The following VNN1 variants were observed in gnomAD, a reference collection of about 807,000 sequenced individuals.
The protein encoded by VNN1 is vanin 1.
VNN1 carries 29 observed loss-of-function variants against 41.9 expected under a neutral mutation model. The ratio of observed to expected loss-of-function variants is 0.69; its 90% CI spans 0.52 to 0.94. The LOEUF (loss-of-function observed/expected upper bound fraction) is 0.94, where lower values mean the gene tolerates loss of function less well. Among genes scored for constraint, VNN1 ranks in the 40% least tolerant of loss-of-function variants. VNN1 has a pLI of 0.00. For synonymous variants in VNN1, 233 were observed against 224.4 expected, an observed-to-expected ratio of 1.04 and a Z score of -0.34; for missense variants, 637 against 621.1, an observed-to-expected ratio of 1.03 and a Z score of -0.27.
At chr6:132,686,921 C>T (rs955566947) in intron 5 of VNN1, among the ~76,000 whole-genome samples, 3 of 151,916 alleles carry the variant, frequency 2.0e-5, no homozygotes, top group Non-Finnish European at 4.4e-5. Context: ...AAATTAAGAA[C>T]ATGTTAACAA....
In VNN1 at chr6:132,710,700, AC is replaced by A. The variant is rs563176403; in HGVS notation, c.341+1008del. Reference sequence around the variant, plus strand: ...ATCCATGTCCCTGCAAAGGACATGAACTTATCCTTTTTTACAGCTGTGTAGT... The same window carrying A: ...ATCCATGTCCCTGCAAAGGACATGAATTATCCTTTTTTACAGCTGTGTAGT... On this transcript the variant is annotated intron_variant, in intron 2 of 6. Transcript: ENST00000367928. Among the ~76,000 whole-genome samples the A allele has an allele frequency of 3.3e-3, 496 of 152,286 alleles. 2 individuals carry two copies. The highest frequency in any genetic ancestry group is 5.7e-3 in the Non-Finnish European group (387 of 68,022).
At chr6:132,712,998 G>A (rs1418407245) in intron 1 of VNN1, among the ~76,000 whole-genome samples, 2 of 152,094 alleles carry the variant, frequency 1.3e-5, no homozygotes, top group Non-Finnish European at 2.9e-5. Context: ...AGCTGGGCAC[G>A]GTGGCATGCA....
At chr6:132,695,440 G>T (rs1778354425) in intron 2 of VNN1, among the ~76,000 whole-genome samples, 1 of 152,110 alleles carries the variant, frequency 6.6e-6, no homozygotes, top group African/African-American at 2.4e-5. Flanking sequence ...AAAGCAGCTT[G>T]CAGGCAGCTT....
chr6:132,687,616 AC>A (rs1778226951), intron 5 of VNN1, among the ~76,000 whole-genome samples: 1 of 152,186 alleles, frequency 6.6e-6, no homozygotes, highest in African/African-American at 2.4e-5. Flanking sequence ...AAAACAGAGA[AC>A]CTAAAACAAG....
Position 132,692,719 on chromosome 6 carries a change from A to C in VNN1, c.827-135T>G, listed in dbSNP as rs1175556394. On this transcript the variant is annotated intron_variant, in intron 4 of 6. Transcript: ENST00000367928. ...TATGTTTTATTAATTTCAGTAAAACATGCTGATAAAGACAGAGAAGTGAGA... is the reference window on the plus strand; with the variant it reads ...TATGTTTTATTAATTTCAGTAAAACCTGCTGATAAAGACAGAGAAGTGAGA... 3 of 1,257,048 alleles carry C rather than the reference A, an allele frequency of 2.4e-6. No homozygotes were observed. The East Asian group carries it at 7.9e-5, about 33-fold the overall frequency. 77.9% of individuals were successfully genotyped at this position (1,257,048 alleles called of 1,614,324 possible). A position where few individuals can be genotyped will look rare whatever the true frequency, so the allele number is the denominator to read the frequency against.
At chr6:132,685,053 A>G (rs907187081) in intron 5 of VNN1, among the ~76,000 whole-genome samples, 2 of 152,232 alleles carry the variant, frequency 1.3e-5, no homozygotes, top group Admixed American at 6.5e-5. Context: ...TGTGTAAATC[A>G]TATCTTATTG....
intron 2 of VNN1, among the ~76,000 whole-genome samples, chr6:132,708,024 CAAACATCA>C (rs1227330929): frequency 1.3e-5 from 2 of 152,144 alleles, no homozygotes; most frequent in Non-Finnish European, 2.9e-5. Context: ...TGCTTGTGTA[CAAACATCA>C]AAACATCTCA....
chr6:132,712,714 T>C (rs1455506977), intron 1 of VNN1, among the ~76,000 whole-genome samples: 1 of 152,226 alleles, frequency 6.6e-6, no homozygotes, highest in Non-Finnish European at 1.5e-5. Flanking sequence ...AAGTACTGCC[T>C]GAGCTAACCT....
At chr6:132,695,314 A>G (rs1277747423) in intron 2 of VNN1, among the ~76,000 whole-genome samples, 1 of 152,202 alleles carries the variant, frequency 6.6e-6, no homozygotes, top group Non-Finnish European at 1.5e-5. Flanking sequence ...AACTTCCAGA[A>G]GAATGCTTGG....
At position 132,681,150 on chromosome 6, in the gene VNN1, G is replaced by A. The variant is rs1582764128; in HGVS notation, c.*1990C>T. The stretch of plus-strand genomic sequence containing the variant: ...TGTTGGTCCATGTGACCAACATCAT[G>A]TGGAAGAAGAGATGTCACTTCTGTG... On this transcript the variant is annotated 3_prime_UTR_variant, in exon 7 of 7. Transcript: ENST00000367928. 6.6e-6 allele frequency among the ~76,000 whole-genome samples: 1 copy of A among 152,150 alleles called. No individual in the cohort carries two copies. Among genetic ancestry groups the A allele is most frequent in the East Asian group, 1.9e-4 (1 of 5,196 alleles).
Position 132,692,378 on chromosome 6 carries a change from C to T in VNN1, c.1033G>A (p.Val345Met). 1.9e-6 allele frequency: 3 copies of T among 1,614,176 alleles called. No individual in the cohort carries two copies. The highest frequency in any genetic ancestry group is 1.7e-5 in the Admixed American group (1 of 60,016). ...TTTCCTGCAACTCCTGTGAGCTTCACAAAAGTGAATTCATCGAAAAAGACA... is the reference window on the plus strand; with the variant it reads ...TTTCCTGCAACTCCTGTGAGCTTCATAAAAGTGAATTCATCGAAAAAGACA... ...GTVFFDEFTF[V>M]KLTGVAGNYT... Residue 345 changes from valine (V) to methionine (M), a missense_variant, in exon 5 of 7, where the codon GTG becomes ATG. By Grantham distance (21) the Val-to-Met change is conservative. Transcript: ENST00000367928.
chr6:132,694,066 G>A lies in VNN1; in HGVS notation c.458C>T (p.Pro153Leu), dbSNP rs140009443. ...KPCDTSDPQC[P>L]PDGRYQYNTD... is the part of the protein sequence containing the mutation. ...GTTGTATTGGTAACGGCCATCAGGG[G>A]GACACTGAGGATCACTGGTATCGCA... Residue 153 changes from proline (P) to leucine (L), a missense_variant, in exon 3 of 7, where the codon CCC (proline) becomes CTC (leucine). Physicochemically the swap from Pro to Leu is moderately conservative, Grantham distance 98. Coordinates refer to ENST00000367928, the MANE Select transcript of VNN1 (RefSeq NM_004666.3). 1 of 1,614,116 alleles carries A rather than the reference G, an allele frequency of 6.2e-7. No homozygotes were observed. Among genetic ancestry groups the A allele is most frequent in the African/African-American group, 1.3e-5 (1 of 75,028 alleles).
At chr6:132,713,805 G>A in intron 1 of VNN1, 21 bp downstream of exon 1, 1 of 1,611,820 alleles carries the variant, frequency 6.2e-7, no homozygotes, top group Non-Finnish European at 8.5e-7. Context: ...CAGTACACTG[G>A]AGAGATGGTA....
intron 3 of VNN1, among the ~76,000 whole-genome samples, chr6:132,693,661 T>G (rs1297721721): frequency 3.9e-5 from 6 of 152,234 alleles, no homozygotes; most frequent in Non-Finnish European, 7.3e-5. Context: ...AGAGTCTATG[T>G]GGTAAGCAGT....
At position 132,684,622 on chromosome 6, in the gene VNN1, A is replaced by G. The variant is rs1582766226; in HGVS notation, c.1189-117T>C. ...ATCAAAACGTCACATCATACACTGT[A>G]AAGATATACAATTTTCATTTGTTAA... On this transcript the variant is annotated intron_variant, in intron 5 of 6. Transcript: ENST00000367928. 6 of 781,200 alleles carry G rather than the reference A, an allele frequency of 7.7e-6. No individual in the cohort carries two copies. The East Asian group carries it at 1.9e-4, about 24-fold the overall frequency. The allele number at this position is 781,200 out of a possible 1,614,324, so 48.4% of individuals were successfully genotyped here.
chr6:132,700,942 C>A (rs1404022933), intron 2 of VNN1, among the ~76,000 whole-genome samples: 1 of 152,116 alleles, frequency 6.6e-6, no homozygotes, highest in Non-Finnish European at 1.5e-5. Context: ...TGGATTTAAG[C>A]TATGAAGCCT....
rs940030940 is a variant in VNN1 at position 132,692,673 on chromosome 6, C to T, written c.827-89G>A. ...TATTACTATTTTAACCTCATATTCA[C>T]ATTTTACTCTCTCTAAGTTATATGT... On this transcript the variant is annotated intron_variant, in intron 4 of 6. Coordinates refer to ENST00000367928, the MANE Select transcript of VNN1 (RefSeq NM_004666.3). The T allele has an allele frequency of 2.8e-6, 4 of 1,435,840 alleles. No individual in the cohort carries two copies. The African/African-American group carries it at 4.3e-5, about 15-fold the overall frequency. 88.9% of individuals were successfully genotyped at this position (1,435,840 alleles called of 1,614,324 possible).
At chr6:132,705,536 C>A (rs1484722943) in intron 2 of VNN1, among the ~76,000 whole-genome samples, 1 of 152,092 alleles carries the variant, frequency 6.6e-6, no homozygotes, top group Non-Finnish European at 1.5e-5. Context: ...ACAATAATAG[C>A]CATTTATGAC....
chr6:132,694,351 C>A (rs971952495), intron 2 of VNN1, among the ~76,000 whole-genome samples, 169 bp from the exon 3 acceptor site: 2 of 152,182 alleles, frequency 1.3e-5, no homozygotes, highest in African/African-American at 4.8e-5. Context: ...TCAGAGGAAG[C>A]CCATGCTTGA....
Sources: gnomAD v4.1 joint callset for allele counts (sites outside exome capture counted in the v4.1 genomes callset) on GRCh38, gnomAD v4.1.1 for gene constraint, MANE v1.5 for transcripts, NCBI Gene and HGNC (gene_info 2026-07-23, HGNC 2026-07-21) for gene names.